NR2F1-AS1: variants seen among roughly 807,000 people sequenced by gnomAD.
NR2F1-AS1 encodes the protein NR2F1 antisense RNA 1.
rs183740820 is a variant in NR2F1-AS1 at position 93,476,514 on chromosome 5, G to T, written n.638+77247C>A. Among the ~76,000 whole-genome samples, 294 of 152,270 alleles carry T rather than the reference G, an allele frequency of 1.9e-3. 2 individuals carry two copies. The highest frequency in any genetic ancestry group is 6.8e-3 in the African/African-American group (283 of 41,558). ...TTAACTAGTTTGACATGTGCTAATT[G>T]ACAGTTCCTGTGAAATGGTTCTAAT... On this transcript the variant is annotated intron_variant and non_coding_transcript_variant, in intron 4 of 5. Transcript: ENST00000660523.
rs556658219 is a variant in NR2F1-AS1 at position 93,475,810 on chromosome 5, C to A, written n.638+77951G>T. The stretch of plus-strand genomic sequence containing the variant: ...GAAGGTGAGCACCATACAGCCTTGA[C>A]CCCCCACGTTCACTGTATGTACTTC... On this transcript the variant is annotated intron_variant and non_coding_transcript_variant, in intron 4 of 5. Coordinates refer to ENST00000660523, the Ensembl canonical transcript of NR2F1-AS1. Among the ~76,000 whole-genome samples the A allele has an allele frequency of 3.3e-4, 50 of 152,246 alleles. 1 individual carries two copies. The South Asian group carries it at 9.1e-3, about 28-fold the overall frequency.
chr5:93,502,422 CA>C (rs1248192319), intron 4 of NR2F1-AS1, among the ~76,000 whole-genome samples: 1 of 152,086 alleles, frequency 6.6e-6, no homozygotes, highest in African/African-American at 2.4e-5. Context: ...GCCAAAGTTA[CA>C]AGAGTATATG....
chr5:93,412,755 C>G (rs777804475), intron 4 of NR2F1-AS1, among the ~76,000 whole-genome samples: 2 of 152,164 alleles, frequency 1.3e-5, no homozygotes, highest in Admixed American at 6.5e-5. Flanking sequence ...TGGGATCCAG[C>G]TGTGATTAGA....
intron 4 of NR2F1-AS1, among the ~76,000 whole-genome samples, chr5:93,497,223 A>G (rs555331963): frequency 6.6e-6 from 1 of 152,294 alleles, no homozygotes; most frequent in Admixed American, 6.5e-5. Context: ...CATAAATGCA[A>G]TGTGAAGGAC....
intron 4 of NR2F1-AS1, among the ~76,000 whole-genome samples, chr5:93,435,985 C>T (rs1190144717): frequency 6.6e-6 from 1 of 152,172 alleles, no homozygotes; most frequent in African/African-American, 2.4e-5. Context: ...TTATTCAATA[C>T]TATTCCCCAT....
At chr5:93,570,725 C>A (rs557266212) in intron 1 of NR2F1-AS1, 2 of 152,278 alleles carry the variant, frequency 1.3e-5, no homozygotes, top group African/African-American at 4.8e-5. Context: ...TCTAGCCTTC[C>A]GCCGACGTCT....
chr5:93,475,341 TGAG>T (rs1392208787), intron 4 of NR2F1-AS1, among the ~76,000 whole-genome samples: 2 of 152,106 alleles, frequency 1.3e-5, no homozygotes, highest in East Asian at 1.9e-4. Context: ...TAGAAATAGA[TGAG>T]AAGAGGAAGG....
At chr5:93,544,423 C>G (rs1752028632) in intron 4 of NR2F1-AS1, among the ~76,000 whole-genome samples, 1 of 152,018 alleles carries the variant, frequency 6.6e-6, no homozygotes, top group African/African-American at 2.4e-5. Flanking sequence ...TGGGTTGGCA[C>G]ATTATATAAT....
upstream of NR2F1-AS1, among the ~76,000 whole-genome samples, chr5:93,582,731 TCC>T (rs1325763759): frequency 2.0e-5 from 3 of 151,806 alleles, no homozygotes; most frequent in African/African-American, 7.3e-5. Flanking sequence ...CTAGGCGTTC[TCC>T]CCCTCGTCAT....
chr5:93,561,064 G>A (rs191179120), intron 2 of NR2F1-AS1, among the ~76,000 whole-genome samples: 5 of 151,904 alleles, frequency 3.3e-5, no homozygotes, highest in Admixed American at 1.3e-4. Context: ...ACCTGAGGTC[G>A]GGAGTTCGAG....
chr5:93,505,573 G>C (rs1314082343), intron 4 of NR2F1-AS1, among the ~76,000 whole-genome samples: 1 of 152,208 alleles, frequency 6.6e-6, no homozygotes, highest in Non-Finnish European at 1.5e-5. Context: ...CCAGGCAGAG[G>C]TTTCCAAACC....
intron 4 of NR2F1-AS1, among the ~76,000 whole-genome samples, chr5:93,453,508 T>TA (rs1459600604): frequency 6.6e-6 from 1 of 151,816 alleles, no homozygotes; most frequent in Admixed American, 6.6e-5. Context: ...CATCATAACA[T>TA]AATAATAATA....
At chr5:93,454,267 G>T (rs1386485141) in intron 4 of NR2F1-AS1, among the ~76,000 whole-genome samples, 1 of 152,080 alleles carries the variant, frequency 6.6e-6, no homozygotes, top group East Asian at 1.9e-4. Context: ...CTCCAGCCTG[G>T]CAACAGAGGG....
rs559411216 is a variant in NR2F1-AS1, at chr5:93,493,385, A to T, written n.638+60376T>A. Among the ~76,000 whole-genome samples, 411 of 152,220 alleles carry T rather than the reference A, an allele frequency of 2.7e-3. 1 individual carries two copies. Among genetic ancestry groups the T allele is most frequent in the African/African-American group, 8.9e-3 (369 of 41,558 alleles). ...TTTATTGTGTAATACACAATAAAAC[A>T]TCGCTGAAAGAAACTTTAAAAGACC... On this transcript the variant is annotated intron_variant and non_coding_transcript_variant, in intron 4 of 5. Coordinates refer to ENST00000660523, the Ensembl canonical transcript of NR2F1-AS1.
chr5:93,568,331 T>C (rs1183817397), intron 1 of NR2F1-AS1, among the ~76,000 whole-genome samples: 1 of 152,214 alleles, frequency 6.6e-6, no homozygotes, highest in East Asian at 1.9e-4. Flanking sequence ...TTTATACTTT[T>C]ACAAAAGCCT....
chr5:93,573,478 A>T (rs1156899677), intron 1 of NR2F1-AS1, among the ~76,000 whole-genome samples: 1 of 152,060 alleles, frequency 6.6e-6, no homozygotes, highest in East Asian at 1.9e-4. Flanking sequence ...CGACTATCAC[A>T]CGCAACTGGG....
At chr5:93,434,806 A>G (rs974015355) in intron 4 of NR2F1-AS1, among the ~76,000 whole-genome samples, 4 of 152,022 alleles carry the variant, frequency 2.6e-5, no homozygotes, top group Non-Finnish European at 1.5e-5. Flanking sequence ...AAATCCCCCA[A>G]TTTGGGCTTG....
chr5:93,558,935 T>C (rs1752423679), intron 2 of NR2F1-AS1, among the ~76,000 whole-genome samples: 2 of 152,216 alleles, frequency 1.3e-5, no homozygotes, highest in South Asian at 4.1e-4. Flanking sequence ...AGCATAATTC[T>C]TAAAGGCCCT....
chr5:93,480,709 G>A (rs1357327287), intron 4 of NR2F1-AS1, among the ~76,000 whole-genome samples: 2 of 152,038 alleles, frequency 1.3e-5, no homozygotes, highest in South Asian at 2.1e-4. Context: ...GGCACATAAT[G>A]CATAAAGATA....
Sources: gnomAD v4.1 joint callset for allele counts (sites outside exome capture counted in the v4.1 genomes callset) on GRCh38, gnomAD v4.1.1 for gene constraint, MANE v1.5 for transcripts, NCBI Gene and HGNC (gene_info 2026-07-23, HGNC 2026-07-21) for gene names.